The following LHFPL3 variants were observed in gnomAD, a reference collection of about 807,000 sequenced individuals.
LHFPL3 encodes LHFPL tetraspan subfamily member 3, also known as LHFPL tetraspan subfamily member 3 protein.
A neutral mutation model predicts 19.3 loss-of-function variants in LHFPL3; 5 were observed. The observed-to-expected ratio is 0.26, with a 90% confidence interval of 0.14 to 0.54. The LOEUF (loss-of-function observed/expected upper bound fraction) is 0.54, where lower values mean the gene tolerates loss of function less well. Among genes scored for constraint, LHFPL3 ranks in the 20% least tolerant of loss-of-function variants. The pLI, the probability that LHFPL3 is intolerant of heterozygous loss-of-function variation, is 0.94. For missense variants in LHFPL3, 249 were observed against 307.4 expected, an observed-to-expected ratio of 0.81 and a Z score of 1.42; for synonymous variants, 133 against 126.2, an observed-to-expected ratio of 1.05 and a Z score of -0.36.
At chr7:104,334,093 T>C (rs552493479) in intron 1 of LHFPL3, among the ~76,000 whole-genome samples, 2 of 152,366 alleles carry the variant, frequency 1.3e-5, no homozygotes, top group Admixed American at 1.3e-4. Context: ...GTGTTGGGTA[T>C]GGTTGCTGTT....
At chr7:104,534,942 C>A (rs1209414481) in intron 1 of LHFPL3, among the ~76,000 whole-genome samples, 1 of 152,172 alleles carries the variant, frequency 6.6e-6, no homozygotes, top group Non-Finnish European at 1.5e-5. Flanking sequence ...ACAATTACGA[C>A]TTTGCCTTCA....
chr7:104,751,958 G>A (rs1490968014), intron 2 of LHFPL3, among the ~76,000 whole-genome samples: 5 of 152,042 alleles, frequency 3.3e-5, no homozygotes, highest in African/African-American at 4.8e-5. Context: ...AGGGTATGGC[G>A]CCCTGCCCTG....
chr7:104,775,852 C>CTTT (rs11454604), intron 2 of LHFPL3, among the ~76,000 whole-genome samples: 2 of 146,674 alleles, frequency 1.4e-5, no homozygotes, highest in Non-Finnish European at 1.5e-5. Flanking sequence ...TCTTTTCTGT[C>CTTT]TTTTTTTTTT....
At chr7:104,525,986 G>A (rs1447020969) in intron 1 of LHFPL3, among the ~76,000 whole-genome samples, 3 of 152,192 alleles carry the variant, frequency 2.0e-5, no homozygotes. Flanking sequence ...ATGAAGAAGG[G>A]CACTGCTGGA....
At chr7:104,508,488 T>C (rs935836911) in intron 1 of LHFPL3, among the ~76,000 whole-genome samples, 59 of 146,996 alleles carry the variant, frequency 4.0e-4, no homozygotes, top group African/African-American at 1.2e-3. Flanking sequence ...AGGGATAGCA[T>C]TGGGAGATAT....
chr7:104,683,941 C>T (rs565764744), intron 1 of LHFPL3, among the ~76,000 whole-genome samples: 11 of 152,208 alleles, frequency 7.2e-5, no homozygotes, highest in African/African-American at 2.4e-4. Context: ...AGTTCTCTCA[C>T]GATATTTGTG....
chr7:104,531,537 T>G (rs977125318), intron 1 of LHFPL3, among the ~76,000 whole-genome samples: 1 of 152,296 alleles, frequency 6.6e-6, no homozygotes, highest in South Asian at 2.1e-4. Context: ...ATTCTTTTAC[T>G]GTTCCTGGAA....
At position 104,690,726 on chromosome 7, in the gene LHFPL3, C is replaced by T. The variant is rs1352246381; in HGVS notation, c.446-45949C>T. On this transcript the variant is annotated intron_variant, in intron 1 of 2. Coordinates refer to ENST00000424859, the MANE Select transcript of LHFPL3 (RefSeq NM_199000.3). ...CTACAACCAAGAAAGAGGCATAATG[C>T]CTAAGGGCCTATTTGGATTCTGGAG... 3.9e-5 allele frequency among the ~76,000 whole-genome samples: 6 copies of T among 152,308 alleles called. No individual in the cohort carries two copies. The South Asian group carries it at 1.0e-3, about 26-fold the overall frequency.
intron 1 of LHFPL3, among the ~76,000 whole-genome samples, chr7:104,426,485 G>A (rs1225552145): frequency 1.3e-5 from 2 of 152,022 alleles, no homozygotes; most frequent in Admixed American, 1.3e-4. Context: ...GGAACTTCCG[G>A]CCTCAGGTGA....
chr7:104,805,196 G>C (rs1431266955), intron 2 of LHFPL3, among the ~76,000 whole-genome samples: 4 of 152,206 alleles, frequency 2.6e-5, no homozygotes, highest in African/African-American at 9.7e-5. Context: ...AAGTATCACA[G>C]ATTCCTCAGG....
chr7:104,728,124 T>C (rs954023114), intron 1 of LHFPL3, among the ~76,000 whole-genome samples: 7 of 152,178 alleles, frequency 4.6e-5, no homozygotes, highest in Non-Finnish European at 8.8e-5. Context: ...ACTATTATTC[T>C]GTAAAATAAC....
At chr7:104,436,132 C>T (rs1322772480) in intron 1 of LHFPL3, among the ~76,000 whole-genome samples, 6 of 152,176 alleles carry the variant, frequency 3.9e-5, no homozygotes, top group African/African-American at 1.4e-4. Flanking sequence ...ATGAATGTGT[C>T]ACATGTTGAA....
Position 104,845,503 on chromosome 7 carries a change from C to T in LHFPL3, c.683-60684C>T, listed in dbSNP as rs927482589. 9.4e-6 allele frequency: 14 copies of T among 1,496,820 alleles called. No individual in the cohort carries two copies. The African/African-American group carries it at 2.0e-4, about 21-fold the overall frequency. The allele number at this position is 1,496,820 out of a possible 1,614,324, so 92.7% of individuals were successfully genotyped here. A position where few individuals can be genotyped will look rare whatever the true frequency, so the allele number is the denominator to read the frequency against. On this transcript the variant is annotated intron_variant, in intron 2 of 2. Transcript: ENST00000424859. ...TGCCTTCTGTTCCCGCATGTTTTCTCCGCTGTTTTCTGATTCCCGCTTTCA... is the reference window on the plus strand; with the variant it reads ...TGCCTTCTGTTCCCGCATGTTTTCTTCGCTGTTTTCTGATTCCCGCTTTCA...
chr7:104,825,080 T>C (rs970440832), intron 2 of LHFPL3, among the ~76,000 whole-genome samples: 1 of 147,916 alleles, frequency 6.8e-6, no homozygotes, highest in African/African-American at 2.5e-5. Flanking sequence ...GACAGGGGAG[T>C]GGGGGAGAGA....
At chr7:104,559,000 C>T (rs1242950380) in intron 1 of LHFPL3, among the ~76,000 whole-genome samples, 49 of 148,512 alleles carry the variant, frequency 3.3e-4, no homozygotes, top group African/African-American at 1.1e-3. Flanking sequence ...AGATATGTGG[C>T]GTTATTTCTG....
At chr7:104,865,117 G>A (rs188903811) in intron 2 of LHFPL3, among the ~76,000 whole-genome samples, 8 of 152,240 alleles carry the variant, frequency 5.3e-5, no homozygotes, top group African/African-American at 1.9e-4. Context: ...AAACCACAAA[G>A]ATGGGGAAAA....
intron 1 of LHFPL3, among the ~76,000 whole-genome samples, chr7:104,405,001 G>T (rs10487206): frequency 1.2e-3 from 184 of 152,218 alleles, no homozygotes; most frequent in African/African-American, 4.2e-3. Context: ...GATAAGGTCC[G>T]TAAAACCAAT....
chr7:104,570,371 G>A (rs145319916), intron 1 of LHFPL3, among the ~76,000 whole-genome samples: 55 of 152,264 alleles, frequency 3.6e-4, no homozygotes, highest in African/African-American at 1.2e-3. Flanking sequence ...TCACCCAAAA[G>A]AATGACCTTC....
chr7:104,368,652 C>CGTGTGTGT (rs67849394), intron 1 of LHFPL3, among the ~76,000 whole-genome samples: 12,387 of 150,118 alleles, frequency 0.083, 541 homozygotes, highest in East Asian at 0.12. Flanking sequence ...CACACATGTA[C>CGTGTGTGT]GTGTGTGTGT....
Sources: allele counts gnomAD v4.1 joint callset (sites outside exome capture counted in the v4.1 genomes callset), GRCh38; gene constraint gnomAD v4.1.1; transcripts MANE v1.5; gene names NCBI Gene and HGNC (gene_info 2026-07-23, HGNC 2026-07-21).